The following RBPMS variants were observed in gnomAD, a reference collection of about 807,000 sequenced individuals.
RBPMS encodes the protein RNA-binding protein with multiple splicing.
RBPMS carries 7 observed loss-of-function variants against 26.8 expected under a neutral mutation model. That is an observed-to-expected ratio of 0.26 (90% CI 0.15 to 0.49). The LOEUF (loss-of-function observed/expected upper bound fraction) is 0.49. Among genes scored for constraint, RBPMS ranks in the 20% least tolerant of loss-of-function variants. The pLI, the probability that RBPMS is intolerant of heterozygous loss-of-function variation, is 0.98. For synonymous variants in RBPMS, 96 were observed against 93.3 expected (o/e 1.03, Z -0.17); for missense variants, 186 against 250.0 (o/e 0.74, Z 1.73).
rs572168551 is a variant in RBPMS, at chr8:30,480,894, A to G, written c.246+1517A>G. Among the ~76,000 whole-genome samples, 19 of 152,352 alleles carry G rather than the reference A, an allele frequency of 1.2e-4. No homozygotes were observed. In the South Asian group the frequency reaches 2.1e-3, roughly 17 times the overall value. ...TCTGGGTCCTTTAAAGTTATGTTAG[A>G]TGAAGTTTTCACCATGTTCTTTTCA... On this transcript the variant is annotated intron_variant, in intron 4 of 8. Coordinates refer to ENST00000397323, the MANE Select transcript of RBPMS (RefSeq NM_001008710.3).
intron 1 of RBPMS, among the ~76,000 whole-genome samples, chr8:30,417,708 C>G (rs1810261642): frequency 6.6e-6 from 1 of 151,392 alleles, no homozygotes; most frequent in Non-Finnish European, 1.5e-5. Flanking sequence ...TTTTTGCTCC[C>G]TCTTTTAAAT....
chr8:30,427,267 GTAACTATAA>G (rs1811463501), intron 1 of RBPMS, among the ~76,000 whole-genome samples: 1 of 152,182 alleles, frequency 6.6e-6, no homozygotes, highest in African/African-American at 2.4e-5. Flanking sequence ...ACTTCAGGAG[GTAACTATAA>G]AGGGGACCCT....
intron 4 of RBPMS, among the ~76,000 whole-genome samples, chr8:30,496,465 GC>G (rs1819973535): frequency 2.6e-5 from 4 of 152,122 alleles, no homozygotes; most frequent in Admixed American, 2.6e-4. Context: ...ACCGTGCCCG[GC>G]CACCCTCACT....
chr8:30,553,878 G>A lies in RBPMS; in HGVS notation c.529-5009G>A, dbSNP rs186193177. 3.9e-3 allele frequency: 587 copies of A among 152,290 alleles called. 2 individuals are homozygous for A. The highest frequency in any genetic ancestry group is 0.014 in the South Asian group (67 of 4,812). The allele number at this position is 152,290 out of a possible 1,614,324, so 9.4% of individuals were successfully genotyped here. On this transcript the variant is annotated intron_variant, in intron 6 of 8. Coordinates refer to ENST00000397323, the MANE Select transcript of RBPMS (RefSeq NM_001008710.3). ...TGCAACCTCCACCTCCCAGGTTCAC[G>A]CAATCCTCCTGCCTCAGCCTCCTGA...
At chr8:30,393,198 A>AG (rs1042109084) in intron 1 of RBPMS, among the ~76,000 whole-genome samples, 39 of 152,102 alleles carry the variant, frequency 2.6e-4, no homozygotes, top group Non-Finnish European at 4.4e-5. Context: ...GGAAAGCCTG[A>AG]GGGGGAGCTT....
chr8:30,434,997 CAT>C (rs1452590219), intron 1 of RBPMS, among the ~76,000 whole-genome samples: 127 of 122,582 alleles, frequency 1.0e-3, no homozygotes, highest in African/African-American at 5.3e-3. Context: ...CCAAAGAAGA[CAT>C]CCATCCATCC....
chr8:30,410,649 T>G (rs779648681), intron 1 of RBPMS, among the ~76,000 whole-genome samples: 1 of 151,974 alleles, frequency 6.6e-6, no homozygotes, highest in South Asian at 2.1e-4. Flanking sequence ...CACCTGACCA[T>G]GAAATGTCAT....
At chr8:30,413,905 G>A (rs1489737195) in intron 1 of RBPMS, among the ~76,000 whole-genome samples, 1 of 152,084 alleles carries the variant, frequency 6.6e-6, no homozygotes, top group African/African-American at 2.4e-5. Flanking sequence ...GCCGCATCCA[G>A]CTAATTTTGT....
chr8:30,433,252 C>T (rs905268648), intron 1 of RBPMS, among the ~76,000 whole-genome samples: 1 of 152,138 alleles, frequency 6.6e-6, no homozygotes, highest in African/African-American at 2.4e-5. Flanking sequence ...CTTTCCAGAA[C>T]TTTGAAAAAA....
intron 4 of RBPMS, among the ~76,000 whole-genome samples, chr8:30,496,290 T>G (rs1324586983): frequency 6.6e-6 from 1 of 151,920 alleles, no homozygotes; most frequent in African/African-American, 2.4e-5. Flanking sequence ...TGCCTCAGCC[T>G]CCCAAGTATC....
intron 4 of RBPMS, among the ~76,000 whole-genome samples, chr8:30,493,949 TAACACAA>T (rs1365364270): frequency 4.6e-5 from 7 of 152,214 alleles, no homozygotes; most frequent in Non-Finnish European, 8.8e-5. Flanking sequence ...GGTGGTTGGC[TAACACAA>T]AAAGTAAGTG....
chr8:30,411,985 C>CAA (rs11367222), intron 1 of RBPMS, among the ~76,000 whole-genome samples: 1 of 120,960 alleles, frequency 8.3e-6, no homozygotes, highest in East Asian at 3.3e-4. Context: ...GACTTCGTCT[C>CAA]AAAAAAAAAA....
At chr8:30,558,106 C>T (rs1202446586) in intron 6 of RBPMS, 3 of 152,414 alleles carry the variant, frequency 2.0e-5, no homozygotes, top group Admixed American at 6.5e-5. Flanking sequence ...TTAGGTGATC[C>T]GCCCGCCTTG....
At chr8:30,513,187 GC>G (rs1821913488) in intron 5 of RBPMS, among the ~76,000 whole-genome samples, 1 of 152,044 alleles carries the variant, frequency 6.6e-6, no homozygotes, top group South Asian at 2.1e-4. Context: ...AAAGAAAGAG[GC>G]CAGGAAGTGA....
chr8:30,554,620 G>A (rs984816527), intron 6 of RBPMS, among the ~76,000 whole-genome samples: 2 of 152,008 alleles, frequency 1.3e-5, no homozygotes, highest in South Asian at 4.1e-4. Flanking sequence ...CATGTGCCTG[G>A]TGATCACCTG....
At chr8:30,456,113 T>C (rs1293345171) in intron 1 of RBPMS, among the ~76,000 whole-genome samples, 1 of 152,166 alleles carries the variant, frequency 6.6e-6, no homozygotes, top group Non-Finnish European at 1.5e-5. Context: ...TGTGTGTTTT[T>C]TAATGCATTT....
Position 30,516,236 on chromosome 8 carries a change from C to G in RBPMS, c.397+11800C>G, listed in dbSNP as rs1016315843. Among the ~76,000 whole-genome samples, 6 of 152,154 alleles carry G rather than the reference C, an allele frequency of 3.9e-5. No homozygotes were observed. The East Asian group carries it at 9.7e-4, about 24-fold the overall frequency. ...CATTACTAAGAATACAAAAATTAGC[C>G]GGCTGTGGTGGAGGGTGGGGCACCT... On this transcript the variant is annotated intron_variant, in intron 5 of 8. Transcript: ENST00000397323.
chr8:30,556,498 G>C, intron 6 of RBPMS: 1 of 985,810 alleles, frequency 1.0e-6, no homozygotes, highest in South Asian at 4.7e-5. Context: ...TCTCCTCCCC[G>C]GGCAGCCCTC....
chr8:30,466,597 CTT>C (rs1161388621), intron 1 of RBPMS, among the ~76,000 whole-genome samples: 14 of 138,752 alleles, frequency 1.0e-4, no homozygotes, highest in African/African-American at 1.3e-4. Flanking sequence ...TCTTTTTTTT[CTT>C]TTTTTTTTTT....
Sources: allele counts gnomAD v4.1 joint callset (sites outside exome capture counted in the v4.1 genomes callset), GRCh38; gene constraint gnomAD v4.1.1; transcripts MANE v1.5; gene names NCBI Gene and HGNC (gene_info 2026-07-23, HGNC 2026-07-21).